Variants in DIS3L2 observed in about 807,000 individuals in gnomAD.
DIS3L2 encodes the protein DIS3-like exonuclease 2.
In DIS3L2, 34 loss-of-function variants were observed where a neutral mutation model predicts 97.5. The observed-to-expected ratio is 0.35, with a 90% confidence interval of 0.27 to 0.46. The LOEUF (loss-of-function observed/expected upper bound fraction) is 0.46. Ranked by LOEUF, DIS3L2 falls within the 20% of genes least tolerant of loss-of-function variation. The probability of loss-of-function intolerance (pLI) is 1.00; values close to 1 mark genes in which losing one functional copy is unlikely to be tolerated. For missense variants in DIS3L2, 1,038 were observed against 1,146.0 expected (o/e 0.91, Z 1.36); for synonymous variants, 435 against 445.2 (o/e 0.98, Z 0.29).
intron 5 of DIS3L2, among the ~76,000 whole-genome samples, chr2:232,077,955 C>CTCTCTT (rs1696248835): frequency 9.2e-6 from 1 of 108,810 alleles, no homozygotes; most frequent in Non-Finnish European, 1.8e-5. Flanking sequence ...TTCTTTCTTT[C>CTCTCTT]TCTTTCTTTC....
intron 12 of DIS3L2, among the ~76,000 whole-genome samples, chr2:232,254,864 G>A (rs1273574151): frequency 2.6e-5 from 4 of 152,208 alleles, no homozygotes; most frequent in Admixed American, 6.5e-5. Flanking sequence ...AAGCCAGATC[G>A]GAAGTAATGA....
chr2:232,160,233 A>G (rs11681578), intron 8 of DIS3L2, among the ~76,000 whole-genome samples: 1,893 of 152,336 alleles, frequency 0.012, 17 homozygotes, highest in Non-Finnish European at 0.018. Flanking sequence ...CAGTGAAGCC[A>G]TCTGGGTCTG....
chr2:232,336,944 A>G lies in DIS3L2; in HGVS notation c.*314A>G. ...GGAAATGGGGGGGTTTCAGCAACTC[A>G]GTGTCACAGAATAAAATCAAGTGTG... On this transcript the variant is annotated 3_prime_UTR_variant, in exon 21 of 21. Transcript: ENST00000325385. 8.4e-7 allele frequency: 1 copy of G among 1,193,096 alleles called. No homozygotes were observed. The highest frequency in any genetic ancestry group is 1.0e-6 in the Non-Finnish European group (1 of 955,770). 73.9% of individuals were successfully genotyped at this position (1,193,096 alleles called of 1,614,324 possible).
At chr2:232,224,649 G>A (rs1692591899) in intron 10 of DIS3L2, among the ~76,000 whole-genome samples, 1 of 152,026 alleles carries the variant, frequency 6.6e-6, no homozygotes. Flanking sequence ...CACCAGCCTG[G>A]TCAACATGGT....
At chr2:232,184,606 C>T (rs1161668678) in intron 9 of DIS3L2, among the ~76,000 whole-genome samples, 4 of 151,894 alleles carry the variant, frequency 2.6e-5, no homozygotes, top group East Asian at 1.9e-4. Flanking sequence ...GCTGTGATCG[C>T]GCCACTGCAC....
At chr2:232,203,339 G>A (rs747696130) in intron 9 of DIS3L2, among the ~76,000 whole-genome samples, 11 of 152,182 alleles carry the variant, frequency 7.2e-5, no homozygotes, top group Non-Finnish European at 1.6e-4. Context: ...TCTGGAAGTG[G>A]TCCCTGAACC....
chr2:232,116,287 C>G lies in DIS3L2; in HGVS notation c.602-14332C>G, dbSNP rs140726772. Among the ~76,000 whole-genome samples, 595 of 152,252 alleles carry G rather than the reference C, an allele frequency of 3.9e-3. 9 individuals carry two copies. The highest frequency in any genetic ancestry group is 0.014 in the African/African-American group (578 of 41,558). On this transcript the variant is annotated intron_variant, in intron 6 of 20. Transcript: ENST00000325385. ...AGAGCTCAAGAAGGGAAGGCTCGAGCCAGTCAAGTAGCTCTTCCCTTTTCA... is the reference window on the plus strand; with the variant it reads ...AGAGCTCAAGAAGGGAAGGCTCGAGGCAGTCAAGTAGCTCTTCCCTTTTCA...
intron 5 of DIS3L2, among the ~76,000 whole-genome samples, chr2:232,049,586 A>G (rs532019779): frequency 8.2e-4 from 125 of 152,280 alleles, no homozygotes; most frequent in Non-Finnish European, 1.5e-3. Flanking sequence ...TTAATCTTGG[A>G]CTTCCGAGCC....
chr2:232,207,851 AATAC>A (rs1443458566), intron 9 of DIS3L2, among the ~76,000 whole-genome samples: 2 of 152,138 alleles, frequency 1.3e-5, no homozygotes, highest in African/African-American at 4.8e-5. Context: ...AACAAACAAT[AATAC>A]ATATCTGATC....
At chr2:232,318,139 A>G (rs116348409) in intron 14 of DIS3L2, among the ~76,000 whole-genome samples, 1,722 of 152,350 alleles carry the variant, frequency 0.011, 31 homozygotes, top group African/African-American at 0.038. Context: ...CAGAGGCCAG[A>G]GGCCAGAGGC....
intron 5 of DIS3L2, among the ~76,000 whole-genome samples, chr2:232,046,831 A>G (rs1695256347): frequency 6.8e-6 from 1 of 146,286 alleles, no homozygotes; most frequent in Non-Finnish European, 1.5e-5. Flanking sequence ...TATTATTATT[A>G]TTTTTAAGAT....
chr2:232,092,595 T>C (rs980216034), intron 6 of DIS3L2, among the ~76,000 whole-genome samples: 2 of 152,196 alleles, frequency 1.3e-5, no homozygotes, highest in African/African-American at 4.8e-5. Context: ...TTTTATAGTT[T>C]TCATTGTATA....
intron 5 of DIS3L2, among the ~76,000 whole-genome samples, chr2:232,084,919 T>C (rs1187400340): frequency 6.6e-6 from 1 of 152,210 alleles, no homozygotes; most frequent in Non-Finnish European, 1.5e-5. Flanking sequence ...TATTTTACTT[T>C]GGTTTTCTGA....
At chr2:232,242,216 AGT>A (rs1693119265) in intron 11 of DIS3L2, among the ~76,000 whole-genome samples, 1 of 152,230 alleles carries the variant, frequency 6.6e-6, no homozygotes, top group African/African-American at 2.4e-5. Flanking sequence ...AAGTTATTTC[AGT>A]GTGTAAGTAG....
intron 13 of DIS3L2, among the ~76,000 whole-genome samples, chr2:232,273,070 CCTT>C (rs1694048335): frequency 6.6e-6 from 1 of 152,024 alleles, no homozygotes. Flanking sequence ...CACCCTGTGA[CCTT>C]CTAGGTTCAC....
At position 231,996,684 on chromosome 2, in the gene DIS3L2, ATATCT is replaced by A. The variant is rs200966608; in HGVS notation, c.-93-18148_-93-18144del. Among the ~76,000 whole-genome samples the A allele has an allele frequency of 5.4e-3, 828 of 152,330 alleles. 4 individuals are homozygous for A. Among genetic ancestry groups the A allele is most frequent in the African/African-American group, 0.017 (718 of 41,568 alleles). ...AGAAATCCTGACATCATTTATGTAC[ATATCT>A]TAACTATGCAATGTGAACATTTTCA... On this transcript the variant is annotated intron_variant, in intron 1 of 20. Transcript: ENST00000325385.
intron 5 of DIS3L2, among the ~76,000 whole-genome samples, chr2:232,085,113 A>G (rs1293725592): frequency 6.6e-6 from 1 of 152,160 alleles, no homozygotes; most frequent in African/African-American, 2.4e-5. Context: ...ACATGGTGAA[A>G]CTGCTAGAGC....
chr2:232,343,072 G>A, intron 13 of DIS3L2: 1 of 416,328 alleles, frequency 2.4e-6, no homozygotes, highest in Non-Finnish European at 4.4e-6. Context: ...CTGCTCTGCT[G>A]TCCCCTCCAT....
intron 9 of DIS3L2, among the ~76,000 whole-genome samples, chr2:232,205,240 A>AC (rs1422950148): frequency 7.4e-5 from 11 of 148,138 alleles, no homozygotes; most frequent in Admixed American, 5.4e-4. Flanking sequence ...ATATATATAA[A>AC]ATGCAGTGAA....
Sources: gnomAD v4.1 joint callset for allele counts (sites outside exome capture counted in the v4.1 genomes callset) on GRCh38, gnomAD v4.1.1 for gene constraint, MANE v1.5 for transcripts, NCBI Gene and HGNC (gene_info 2026-07-23, HGNC 2026-07-21) for gene names.